MMP1: variants seen among roughly 807,000 people sequenced by gnomAD.
The protein encoded by MMP1 is interstitial collagenase.
Under a neutral mutation model 49.6 loss-of-function variants are expected in MMP1, and 51 were observed. That is an observed-to-expected ratio of 1.03 (90% CI 0.82 to 1.30). The LOEUF (loss-of-function observed/expected upper bound fraction) is 1.30, where lower values mean the gene tolerates loss of function less well. Ranked by LOEUF, MMP1 falls within the 50% of genes most tolerant of loss-of-function variation. The pLI is 0.00. For missense variants in MMP1, 623 were observed against 568.7 expected (o/e 1.10, Z -0.97); for synonymous variants, 230 against 196.8 (o/e 1.17, Z -1.41).
chr11:102,797,286 G>C lies in MMP1; in HGVS notation c.320C>G (p.Pro107Arg). ...GGTCAGATGTGTTTGCTCCCAGCGA[G>C]GGTTCCCCTCAGTGAGGACAAACTG... ...VAQFVLTEGN[P>R]RWEQTHLTYR... Residue 107 changes from proline to arginine, a missense_variant, in exon 2 of 10, where the codon CCT becomes CGT. Pro to Arg is a moderately radical substitution (Grantham distance 103, BLOSUM62 -2). Coordinates refer to ENST00000315274, the MANE Select transcript of MMP1 (RefSeq NM_002421.4). 3 of 1,614,192 alleles carry C rather than the reference G, an allele frequency of 1.9e-6. No individual in the cohort carries two copies. The highest frequency in any genetic ancestry group is 3.3e-4 in the Middle Eastern group (2 of 6,060).
Position 102,794,030 on chromosome 11 carries a change from C to A in MMP1, c.899+1144G>T, listed in dbSNP as rs186155040. 1.3e-5 allele frequency among the ~76,000 whole-genome samples: 2 copies of A among 152,284 alleles called. No homozygotes were observed. The highest frequency in any genetic ancestry group is 6.5e-5 in the Admixed American group (1 of 15,298). On this transcript the variant is annotated intron_variant, in intron 6 of 9. Transcript: ENST00000315274. The surrounding 1 kb of genome is among the most constrained non-coding windows in gnomAD (Gnocchi z 4.3). The stretch of plus-strand genomic sequence containing the variant: ...GATCTCTGTGTCCTTTCAATTCTGG[C>A]AAATCCTCAAATTGGTCCTGTTCCA...
chr11:102,796,429 G>T (rs974735390), intron 4 of MMP1, among the ~76,000 whole-genome samples: 1 of 152,118 alleles, frequency 6.6e-6, no homozygotes, highest in East Asian at 1.9e-4. Context: ...AAACATCAAA[G>T]TTTTCAACAA....
chr11:102,796,938 TAAAC>T lies in MMP1; in HGVS notation c.499+72_499+75del. The T allele has an allele frequency of 1.9e-6, 3 of 1,550,546 alleles. No individual in the cohort carries two copies. In the South Asian group the frequency reaches 3.7e-5, roughly 19 times the overall value. ...GAGCCCATAAAATCAACATTCATCT[TAAAC>T]AATCAATTCCAGTTGCAAAGCTACG... On this transcript the variant is annotated intron_variant, in intron 3 of 9. Transcript: ENST00000315274.
intron 5 of MMP1, 79 bp from the exon 6 acceptor site, chr11:102,795,370 G>T: frequency 6.2e-7 from 1 of 1,600,662 alleles, no homozygotes; most frequent in Non-Finnish European, 8.5e-7. Flanking sequence ...GCTTCTTCAA[G>T]GATATCGCTA....
In MMP1 at chr11:102,795,284, G is replaced by C. The variant is rs1449807380; in HGVS notation, c.789C>G (p.Ser263=). 10 of 1,613,808 alleles carry C rather than the reference G, an allele frequency of 6.2e-6. No individual in the cohort carries two copies. In the African/African-American group the frequency reaches 1.1e-4, roughly 17 times the overall value. The change falls in exon 6 of 10, where the codon TCC becomes TCG. Residue 263 remains serine, a synonymous_variant. Transcript: ENST00000315274. ...GGCCGATGGGCTGGACAGGATTTTGGGAACGTCCTAAGGAAAATAAAATAC... is the reference window on the plus strand; with the variant it reads ...GGCCGATGGGCTGGACAGGATTTTGCGAACGTCCTAAGGAAAATAAAATAC... ...IDGIQAIYGR[S]QNPVQPIGPQ...
chr11:102,797,565 G>A, intron 1 of MMP1, 65 bp from the exon 2 acceptor site: 2 of 1,583,364 alleles, frequency 1.3e-6, no homozygotes, highest in Non-Finnish European at 1.7e-6. Flanking sequence ...AAAATTGATG[G>A]CATTAAGTTT....
In MMP1 at chr11:102,790,359, A is replaced by G; in HGVS notation, c.*53T>C. 9.2e-7 allele frequency: 1 copy of G among 1,092,230 alleles called. No individual in the cohort carries two copies. The highest frequency in any genetic ancestry group is 1.4e-6 in the Non-Finnish European group (1 of 731,872). The allele number at this position is 1,092,230 out of a possible 1,614,324, so 67.7% of individuals were successfully genotyped here. The stretch of plus-strand genomic sequence containing the variant: ...CTGAGAAAATAGACAGTTCTTCAGG[A>G]AAACACCTTCTTTGGACTCACACCA... On this transcript the variant is annotated 3_prime_UTR_variant, in exon 10 of 10. Transcript: ENST00000315274.
chr11:102,793,195 G>A (rs1858082947), intron 6 of MMP1: 1 of 152,140 alleles, frequency 6.6e-6, no homozygotes, highest in Non-Finnish European at 1.5e-5. Flanking sequence ...TCTTGGCTCA[G>A]AGCAACCTCT....
chr11:102,797,811 A>G (rs1307188668), intron 1 of MMP1, among the ~76,000 whole-genome samples, 177 bp downstream of exon 1: 3 of 152,050 alleles, frequency 2.0e-5, no homozygotes, highest in South Asian at 2.1e-4. Flanking sequence ...CTCACCTCCA[A>G]CTGGAAAAAG....
chr11:102,795,055 T>A, intron 6 of MMP1, 119 bp downstream of exon 6: 1 of 868,274 alleles, frequency 1.2e-6, no homozygotes, highest in East Asian at 2.4e-5. Context: ...GTTGCTACCA[T>A]GTGATTATAG....
rs750149788 is a variant in MMP1 at position 102,796,773 on chromosome 11, AGAGTTGTCCC to A, written c.506_515del (p.Arg169LeufsTer64). 3 of 1,613,748 alleles carry A rather than the reference AGAGTTGTCCC, an allele frequency of 1.9e-6. No homozygotes were observed. The highest frequency in any genetic ancestry group is 2.5e-6 in the Non-Finnish European group (3 of 1,179,906). ...GATTTCCTCCAGGTCCATCAAAAGG[AGAGTTGTCCC>A]GATGATCTGAAAGAAACAATTCAAC... On this transcript the variant is annotated frameshift_variant, in exon 4 of 10. Transcript: ENST00000315274. LOFTEE classifies it high-confidence loss of function.
At chr11:102,792,510 C>T in intron 7 of MMP1, 95 bp downstream of exon 7, 1 of 1,269,938 alleles carries the variant, frequency 7.9e-7, no homozygotes, top group Non-Finnish European at 1.1e-6. Flanking sequence ...TTCAAAAGTC[C>T]CTGGAGAGAA....
At chr11:102,793,179 G>A (rs542812962) in intron 6 of MMP1, 1 of 152,438 alleles carries the variant, frequency 6.6e-6, no homozygotes, top group East Asian at 1.9e-4. Flanking sequence ...GAGTGTAGTG[G>A]TACAATCTTG....
In MMP1 at chr11:102,791,446, G is replaced by A; in HGVS notation, c.1083C>T (p.Pro361=). 1 of 1,613,984 alleles carries A rather than the reference G, an allele frequency of 6.2e-7. No individual in the cohort carries two copies. Among genetic ancestry groups the A allele is most frequent in the East Asian group, 2.2e-5 (1 of 44,894 alleles). The change falls in exon 8 of 10, where the codon CCC becomes CCT. Residue 361 remains proline (P), a synonymous_variant. Coordinates refer to ENST00000315274, the MANE Select transcript of MMP1 (RefSeq NM_002421.4). ...AGCCAAAGGAGCTGTAGATGTCCTTGGGGTATCCGTGTAGCACATTCTGTC... is the reference window on the plus strand; with the variant it reads ...AGCCAAAGGAGCTGTAGATGTCCTTAGGGTATCCGTGTAGCACATTCTGTC... ...VQGQNVLHGY[P]KDIYSSFGFP... is the part of the protein sequence containing the mutation.
Position 102,792,695 on chromosome 11 carries a change from T to G in MMP1, c.943A>C (p.Asn315His). The G allele has an allele frequency of 6.2e-7, 1 of 1,613,890 alleles. No homozygotes were observed. The highest frequency in any genetic ancestry group is 8.5e-7 in the Non-Finnish European group (1 of 1,179,822). The change falls in exon 7 of 10, where the codon AAT becomes CAT. Residue 315 changes from asparagine (N) to histidine (H), a missense_variant. By Grantham distance (68) the Asn-to-His change is moderately conservative (BLOSUM62 1). Coordinates refer to ENST00000315274, the MANE Select transcript of MMP1 (RefSeq NM_002421.4). The stretch of plus-strand genomic sequence containing the variant: ...TGTGGCCAGAAAACAGAAATGAAAT[T>G]GAGCTCAACTTCCGGGTAGAAGGGA... The part of the protein sequence containing the change: ...TNPFYPEVEL[N>H]FISVFWPQLP...
chr11:102,792,588 A>G lies in MMP1; in HGVS notation c.1033+17T>C. 1.2e-6 allele frequency: 2 copies of G among 1,611,770 alleles called. No homozygotes were observed. Among genetic ancestry groups the G allele is most frequent in the Non-Finnish European group, 1.7e-6 (2 of 1,178,552 alleles). On this transcript the variant is annotated intron_variant, in intron 7 of 9. Coordinates refer to ENST00000315274, the MANE Select transcript of MMP1 (RefSeq NM_002421.4). ...AATTGATTTATTAAAGCAGTGAAAA[A>G]TAATTAGAAAGATTACCTTTGAAAA...
rs10488 is a variant in MMP1 at position 102,797,291 on chromosome 11, C to T, written c.315G>A (p.Gly105=). 102,222 of 1,614,104 alleles carry T rather than the reference C, an allele frequency of 0.063. 3,787 individuals carry two copies. Among genetic ancestry groups the T allele is most frequent in the African/African-American group, 0.15 (11,131 of 75,012 alleles). ...PDVAQFVLTE[G]NPRWEQTHLT... ...GATGTGTTTGCTCCCAGCGAGGGTT[C>T]CCCTCAGTGAGGACAAACTGAGCCA... The change falls in exon 2 of 10, where the codon GGG becomes GGA. Residue 105 remains glycine, a synonymous_variant. Transcript: ENST00000315274.
chr11:102,795,571 C>A lies in MMP1; in HGVS notation c.662G>T (p.Gly221Val). The change falls in exon 5 of 10, where the codon GGC (glycine) becomes GTC (valine). Residue 221 changes from glycine (G) to valine (V), a missense_variant. By Grantham distance (109) the Gly-to-Val change is moderately radical. Transcript: ENST00000315274. ...NLHRVAAHEL[G>V]HSLGLSHSTD... is the part of the protein sequence containing the mutation. The stretch of plus-strand genomic sequence containing the variant: ...AGAATGGGAGAGTCCAAGAGAATGG[C>A]CGAGTTCATGAGCTGCAACACGATG... The A allele has an allele frequency of 1.2e-6, 2 of 1,613,608 alleles. No homozygotes were observed. Among genetic ancestry groups the A allele is most frequent in the Non-Finnish European group, 1.7e-6 (2 of 1,179,840 alleles).
intron 4 of MMP1, 131 bp downstream of exon 4, chr11:102,796,533 T>A: frequency 9.5e-7 from 1 of 1,057,408 alleles, no homozygotes; most frequent in Non-Finnish European, 1.3e-6. Context: ...TCTAAGTGTA[T>A]CACTAATTTT....
Sources: gnomAD v4.1 joint callset for allele counts (sites outside exome capture counted in the v4.1 genomes callset) on GRCh38, gnomAD v4.1.1 for gene constraint, Gnocchi (gnomAD v3.1) non-coding constraint, MANE v1.5 for transcripts, NCBI Gene and HGNC (gene_info 2026-07-23, HGNC 2026-07-21) for gene names.